Variants in GCFC2 observed in about 807,000 individuals in gnomAD.
GCFC2 encodes intron Large complex component GCFC2.
In GCFC2, 102 loss-of-function variants were observed where a neutral mutation model predicts 99.4. That is an observed-to-expected ratio of 1.03 (90% CI 0.87 to 1.21). The LOEUF (loss-of-function observed/expected upper bound fraction) is 1.21, where lower values mean the gene tolerates loss of function less well. GCFC2 is among the 50% of genes most tolerant of loss of function. GCFC2 has a pLI of 0.00. For missense variants in GCFC2, 973 were observed against 920.9 expected (o/e 1.06, Z -0.73); for synonymous variants, 338 against 316.8 (o/e 1.07, Z -0.71).
chr2:75,710,763 C>A lies in GCFC2; in HGVS notation c.93G>T (p.Ala31=). Residue 31 remains alanine (A), a synonymous_variant, in exon 1 of 17, where the codon GCG becomes GCT. Coordinates refer to ENST00000321027, the MANE Select transcript of GCFC2 (RefSeq NM_003203.5). ...AACCCGGGACCGGAAGTTCCCTCGG[C>A]GCCCCAGGCTCAGCAGGCGACTCCT... is the stretch of plus-strand genomic sequence containing the variant. ...GAEESPAEPG[A]PRELPVPGSA... The A allele has an allele frequency of 1.3e-6, 2 of 1,568,914 alleles. No homozygotes were observed. Among genetic ancestry groups the A allele is most frequent in the Admixed American group, 1.8e-5 (1 of 56,462 alleles).
chr2:75,712,822 G>T (rs1681244288), upstream of GCFC2, among the ~76,000 whole-genome samples: 1 of 152,102 alleles, frequency 6.6e-6, no homozygotes, highest in Non-Finnish European at 1.5e-5. Context: ...CACCGCGAGG[G>T]TCCGCAGCTT....
Position 75,710,691 on chromosome 2 carries a change from C to T in GCFC2, c.165G>A (p.Ala55=). The change falls in exon 1 of 17, where the codon GCG becomes GCA. Residue 55 remains alanine, a synonymous_variant. Coordinates refer to ENST00000321027, the MANE Select transcript of GCFC2 (RefSeq NM_003203.5). ...PPSGGGRAQV[A]GLPHRVRGPR... Reference sequence around the variant, plus strand: ...GGCCCCGAACCCGGTGGGGCAGTCCCGCCACCTGCGCGCGGCCTCCTCCAG... The same window carrying T: ...GGCCCCGAACCCGGTGGGGCAGTCCTGCCACCTGCGCGCGGCCTCCTCCAG... The T allele has an allele frequency of 2.0e-6, 3 of 1,528,320 alleles. No individual in the cohort carries two copies. The highest frequency in any genetic ancestry group is 2.6e-6 in the Non-Finnish European group (3 of 1,142,844). The allele number at this position is 1,528,320 out of a possible 1,614,324, so 94.7% of individuals were successfully genotyped here. A position where few individuals can be genotyped will look rare whatever the true frequency, so the allele number is the denominator to read the frequency against.
chr2:75,694,688 TAATC>T (rs1015748582), intron 5 of GCFC2, among the ~76,000 whole-genome samples: 14 of 152,142 alleles, frequency 9.2e-5, no homozygotes, highest in African/African-American at 3.1e-4. Context: ...ATTAAGAAAT[TAATC>T]AAGATAATAA....
intron 4 of GCFC2, 103 bp from the exon 5 acceptor site, chr2:75,696,418 TA>T (rs1680328676): frequency 2.0e-6 from 1 of 492,522 alleles, no homozygotes; most frequent in South Asian, 3.8e-5. Flanking sequence ...CTCTTCAAGC[TA>T]AAAAATTCCA....
chr2:75,710,781 C>T lies in GCFC2; in HGVS notation c.75G>A (p.Ser25=), dbSNP rs374032699. ...DSSDSDGAEE[S]PAEPGAPREL... The stretch of plus-strand genomic sequence containing the variant: ...CCCTCGGCGCCCCAGGCTCAGCAGG[C>T]GACTCCTCGGCGCCATCGCTGTCGC... The change falls in exon 1 of 17, where the codon TCG becomes TCA. Residue 25 remains serine (S), a synonymous_variant. Coordinates refer to ENST00000321027, the MANE Select transcript of GCFC2 (RefSeq NM_003203.5). The T allele has an allele frequency of 1.3e-6, 2 of 1,574,628 alleles. No individual in the cohort carries two copies. The highest frequency in any genetic ancestry group is 1.4e-5 in the African/African-American group (1 of 71,560).
chr2:75,691,528 C>G (rs1362972826), intron 7 of GCFC2, among the ~76,000 whole-genome samples: 3 of 151,760 alleles, frequency 2.0e-5, no homozygotes, highest in Non-Finnish European at 4.4e-5. Context: ...CTGATAGCAC[C>G]TTAATCAAAG....
Position 75,670,138 on chromosome 2 carries a change from C to T in GCFC2, c.2103G>A (p.Gln701=), listed in dbSNP as rs548540488. 3.1e-6 allele frequency: 5 copies of T among 1,589,500 alleles called. No homozygotes were observed. The Admixed American group carries it at 7.0e-5, about 22-fold the overall frequency. The change falls in exon 15 of 17, where the codon CAG becomes CAA. Residue 701 remains glutamine (Q), a splice_region_variant and synonymous_variant. Coordinates refer to ENST00000321027, the MANE Select transcript of GCFC2 (RefSeq NM_003203.5). ...GAATCAGTCTTCCTTCACAACTTAC[C>T]TGGTTGCACTTTTTAACCACATCTG... ...PGPDVVKKCN[Q]VAACLPEKWF... is the part of the protein sequence containing the mutation.
intron 7 of GCFC2, among the ~76,000 whole-genome samples, chr2:75,691,021 T>C (rs1680044108): frequency 6.6e-6 from 1 of 152,180 alleles, no homozygotes; most frequent in Non-Finnish European, 1.5e-5. Context: ...TTCCAGTAGT[T>C]TCTACCAGTT....
intron 2 of GCFC2, among the ~76,000 whole-genome samples, chr2:75,705,815 C>T (rs72818753): frequency 0.039 from 5,945 of 152,080 alleles, 160 homozygotes; most frequent in Non-Finnish European, 0.064. Flanking sequence ...AGTTATAAAC[C>T]TCTGTAAGAC....
Position 75,710,713 on chromosome 2 carries a change from C to T in GCFC2, c.143G>A (p.Gly48Glu). The change falls in exon 1 of 17, where the codon GGA becomes GAA. Residue 48 changes from glycine (G) to glutamate (E), a missense_variant. Physicochemically the swap from Gly to Glu is moderately conservative, Grantham distance 98 (BLOSUM62 -2). Coordinates refer to ENST00000321027, the MANE Select transcript of GCFC2 (RefSeq NM_003203.5). Reference sequence around the variant, plus strand: ...TCCCGCCACCTGCGCGCGGCCTCCTCCAGAGGGCGGCTCTTCCTCCGCAGA... The same window carrying T: ...TCCCGCCACCTGCGCGCGGCCTCCTTCAGAGGGCGGCTCTTCCTCCGCAGA... ...PGSAEEEPPS[G>E]GGRAQVAGLP... The T allele has an allele frequency of 6.5e-7, 1 of 1,546,382 alleles. No homozygotes were observed. Among genetic ancestry groups the T allele is most frequent in the African/African-American group, 1.4e-5 (1 of 70,908 alleles).
intron 7 of GCFC2, 76 bp from the exon 8 acceptor site, chr2:75,690,795 A>G (rs1344003257): frequency 5.4e-6 from 4 of 747,090 alleles, no homozygotes; most frequent in African/African-American, 1.8e-5. Context: ...AATAAAGGTA[A>G]TATCATGGAT....
intron 3 of GCFC2, chr2:75,701,954 C>A (rs193224529): frequency 2.4e-6 from 3 of 1,245,922 alleles, no homozygotes; most frequent in East Asian, 3.4e-5. Flanking sequence ...TTTTTTTTAA[C>A]CTGTCCAAAA....
At chr2:75,696,002 G>C (rs1356015994) in intron 5 of GCFC2, among the ~76,000 whole-genome samples, 198 bp downstream of exon 5, 1 of 152,020 alleles carries the variant, frequency 6.6e-6, no homozygotes, top group Non-Finnish European at 1.5e-5. Context: ...AACCATAGAA[G>C]GCAAAAATGC....
At chr2:75,666,096 T>C in intron 15 of GCFC2, 43 bp from the exon 16 acceptor site, 9 of 1,509,138 alleles carry the variant, frequency 6.0e-6, no homozygotes, top group Non-Finnish European at 8.1e-6. Flanking sequence ...GACAGTTATC[T>C]AAGAAATCTT....
At chr2:75,690,603 G>C in intron 8 of GCFC2, 35 bp downstream of exon 8, 1 of 954,828 alleles carries the variant, frequency 1.0e-6, no homozygotes, top group South Asian at 1.4e-5. Flanking sequence ...CTTGCTCAAT[G>C]ATGCTTTCTT....
chr2:75,701,476 G>C, intron 3 of GCFC2, 189 bp from the exon 4 acceptor site: 1 of 580,412 alleles, frequency 1.7e-6, no homozygotes, highest in Non-Finnish European at 3.1e-6. Flanking sequence ...AATATTGGGA[G>C]GTTAAGTAAC....
Position 75,686,768 on chromosome 2 carries a change from A to G in GCFC2, c.1690+1059T>C, listed in dbSNP as rs1169771667. On this transcript the variant is annotated intron_variant, in intron 11 of 16. Transcript: ENST00000321027. ...CAAAAACAAACACACAAAAAATTAAATAAGAGTTTTGCAGTCTTTGCTGTC... is the reference window on the plus strand; with the variant it reads ...CAAAAACAAACACACAAAAAATTAAGTAAGAGTTTTGCAGTCTTTGCTGTC... Among the ~76,000 whole-genome samples the G allele has an allele frequency of 3.9e-5, 6 of 152,264 alleles. No homozygotes were observed. The East Asian group carries it at 9.7e-4, about 25-fold the overall frequency.
intron 5 of GCFC2, 151 bp downstream of exon 5, chr2:75,696,049 A>C (rs1198962348): frequency 1.2e-5 from 5 of 430,928 alleles, no homozygotes; most frequent in African/African-American, 2.0e-5. Flanking sequence ...AAAATGAAAT[A>C]AATTGTGTTA....
At chr2:75,704,166 G>A (rs1680731520) in intron 2 of GCFC2, among the ~76,000 whole-genome samples, 2 of 152,172 alleles carry the variant, frequency 1.3e-5, no homozygotes, top group Non-Finnish European at 2.9e-5. Context: ...AATACATCAT[G>A]TTTTTACAAA....
Sources: gnomAD v4.1 joint callset for allele counts (sites outside exome capture counted in the v4.1 genomes callset) on GRCh38, gnomAD v4.1.1 for gene constraint, MANE v1.5 for transcripts, NCBI Gene and HGNC (gene_info 2026-07-23, HGNC 2026-07-21) for gene names.